Variants in PTPRT observed in about 807,000 individuals in gnomAD.
PTPRT encodes protein tyrosine phosphatase receptor type T.
Under a neutral mutation model 176.8 loss-of-function variants are expected in PTPRT, and 56 were observed. The observed-to-expected ratio is 0.32, with a 90% confidence interval of 0.26 to 0.40. The LOEUF (loss-of-function observed/expected upper bound fraction) is 0.40, where lower values mean the gene tolerates loss of function less well. PTPRT is among the 10% of genes least tolerant of loss of function. PTPRT has a pLI of 1.00. For synonymous variants in PTPRT, 783 were observed against 739.0 expected (o/e 1.06, Z -0.96); for missense variants, 1,540 against 1,908.2 (o/e 0.81, Z 3.60).
intron 7 of PTPRT, among the ~76,000 whole-genome samples, chr20:42,524,895 C>T (rs2072241964): frequency 6.6e-6 from 1 of 152,116 alleles, no homozygotes; most frequent in Non-Finnish European, 1.5e-5. Flanking sequence ...TCATTTCCTT[C>T]ATAATATGTC....
chr20:42,197,892 C>T lies in PTPRT; in HGVS notation c.2491+1348G>A, dbSNP rs1991296621. 2.0e-5 allele frequency among the ~76,000 whole-genome samples: 3 copies of T among 152,186 alleles called. 1 individual carries two copies. The South Asian group carries it at 6.2e-4, about 32-fold the overall frequency. ...TTGTAGGTTTAAACTAATCTCTCTT[C>T]CCAAAGACAGTACATCAGTATCTAA... On this transcript the variant is annotated intron_variant, in intron 16 of 30. Coordinates refer to ENST00000373187, the MANE Select transcript of PTPRT (RefSeq NM_007050.6).
intron 11 of PTPRT, among the ~76,000 whole-genome samples, chr20:42,349,510 A>T (rs997215990): frequency 6.6e-5 from 10 of 152,166 alleles, no homozygotes; most frequent in Admixed American, 4.6e-4. Flanking sequence ...CTAGAGTTTG[A>T]CTTTCTTTAG....
intron 13 of PTPRT, among the ~76,000 whole-genome samples, chr20:42,262,847 C>T (rs564607680): frequency 1.1e-4 from 13 of 118,232 alleles, no homozygotes; most frequent in African/African-American, 3.0e-4. Flanking sequence ...TTGCTTAGGG[C>T]GGGGGAGGGG....
intron 19 of PTPRT, among the ~76,000 whole-genome samples, chr20:42,127,404 T>TTCTC (rs1323103723): frequency 6.6e-6 from 1 of 151,338 alleles, no homozygotes; most frequent in Non-Finnish European, 1.5e-5. Context: ...CTCTCTCTCT[T>TTCTC]TCTCTCTCTC....
intron 1 of PTPRT, among the ~76,000 whole-genome samples, chr20:42,904,707 C>T (rs945682221): frequency 2.0e-5 from 3 of 152,108 alleles, no homozygotes; most frequent in African/African-American, 7.2e-5. Context: ...CCACCCTGGC[C>T]CACCACACCC....
intron 11 of PTPRT, among the ~76,000 whole-genome samples, chr20:42,330,493 A>G (rs6030141): frequency 0.12 from 17,789 of 151,596 alleles, 1,447 homozygotes; most frequent in African/African-American, 0.23. Context: ...TAAAATAAAT[A>G]AAAAATAATT....
At chr20:42,777,228 C>T (rs2077150703) in intron 4 of PTPRT, among the ~76,000 whole-genome samples, 1 of 152,174 alleles carries the variant, frequency 6.6e-6, no homozygotes, top group South Asian at 2.1e-4. Flanking sequence ...ATTTAAACTA[C>T]TCACGATGCT....
At chr20:43,017,329 G>A (rs188294001) in intron 1 of PTPRT, among the ~76,000 whole-genome samples, 127 of 152,144 alleles carry the variant, frequency 8.3e-4, no homozygotes, top group African/African-American at 1.7e-3. Flanking sequence ...CTTTCTGTGC[G>A]TTTCCTTCCC....
intron 19 of PTPRT, among the ~76,000 whole-genome samples, chr20:42,124,049 C>T (rs1486707796): frequency 6.6e-6 from 1 of 152,126 alleles, no homozygotes; most frequent in Non-Finnish European, 1.5e-5. Flanking sequence ...GTGCCTGTTC[C>T]CACGCTGCAT....
intron 7 of PTPRT, among the ~76,000 whole-genome samples, chr20:42,631,453 C>CT (rs1476352103): frequency 6.6e-6 from 1 of 152,108 alleles, no homozygotes; most frequent in African/African-American, 2.4e-5. Flanking sequence ...GAAGCAGACT[C>CT]TGAGAGTTTA....
rs762081981 is a variant in PTPRT at position 42,161,539 on chromosome 20, T to A, written c.2495A>T (p.Asp832Val). 1.2e-6 allele frequency: 2 copies of A among 1,604,062 alleles called. No individual in the cohort carries two copies. The highest frequency in any genetic ancestry group is 1.7e-5 in the Admixed American group (1 of 59,158). The change falls in exon 17 of 31, where the codon GAT (aspartate) becomes GTT (valine). Residue 832 changes from aspartate (D) to valine (V), a missense_variant. By Grantham distance (152) the Asp-to-Val change is radical. Coordinates refer to ENST00000373187, the MANE Select transcript of PTPRT (RefSeq NM_007050.6). ...CTGGGAAAGCTCCCCGCGGCTGCCATCTGCTTCGAAAAGAAGGAGGCAGAA... is the reference window on the plus strand; with the variant it reads ...CTGGGAAAGCTCCCCGCGGCTGCCAACTGCTTCGAAAAGAAGGAGGCAGAA... ...SSSQDVNGFT[D>V]GSRGELSQPT...
At chr20:43,084,676 T>C (rs921326158) in intron 1 of PTPRT, among the ~76,000 whole-genome samples, 20 of 152,224 alleles carry the variant, frequency 1.3e-4, no homozygotes, top group Non-Finnish European at 2.8e-4. Flanking sequence ...ATTGTTCTTC[T>C]TGTTGTTACA....
chr20:42,306,345 G>T (rs1416796753), intron 12 of PTPRT, among the ~76,000 whole-genome samples: 1 of 152,168 alleles, frequency 6.6e-6, no homozygotes, highest in African/African-American at 2.4e-5. Flanking sequence ...AAGCAGGGAT[G>T]CCCAAGTGAG....
chr20:43,035,404 G>A (rs963547230), intron 1 of PTPRT, among the ~76,000 whole-genome samples: 10 of 152,236 alleles, frequency 6.6e-5, no homozygotes, highest in South Asian at 6.2e-4. Flanking sequence ...TGGGCCATAC[G>A]GTCTCTGCGG....
At chr20:43,043,494 C>A (rs1986717681) in intron 1 of PTPRT, among the ~76,000 whole-genome samples, 1 of 152,148 alleles carries the variant, frequency 6.6e-6, no homozygotes. Context: ...TCCTCATAAT[C>A]TTTGAGGAAG....
chr20:42,108,707 G>A (rs571225919), intron 23 of PTPRT, among the ~76,000 whole-genome samples: 1 of 152,200 alleles, frequency 6.6e-6, no homozygotes, highest in South Asian at 2.1e-4. Context: ...CTGGGGAGGG[G>A]GAGAAAGAAA....
chr20:42,401,136 T>A (rs1450446240), intron 9 of PTPRT, among the ~76,000 whole-genome samples: 1 of 72,220 alleles, frequency 1.4e-5, no homozygotes, highest in Non-Finnish European at 2.8e-5. Flanking sequence ...AAAACAGTAA[T>A]AAATAAATAA....
the PTPRT span, among the ~76,000 whole-genome samples, chr20:42,052,767 G>A: frequency 4.6e-4 from 70 of 152,090 alleles, no homozygotes; most frequent in Admixed American, 3.4e-3. Context: ...TCTGATTAGG[G>A]TGAGTCCAGG....
chr20:42,482,702 C>T (rs951207875), intron 7 of PTPRT, among the ~76,000 whole-genome samples: 3 of 152,148 alleles, frequency 2.0e-5, no homozygotes, highest in African/African-American at 4.8e-5. Flanking sequence ...CTTATGTCTA[C>T]AATTTTACTT....
Sources: allele counts gnomAD v4.1 joint callset (sites outside exome capture counted in the v4.1 genomes callset), GRCh38; gene constraint gnomAD v4.1.1; transcripts MANE v1.5; gene names NCBI Gene and HGNC (gene_info 2026-07-23, HGNC 2026-07-21).